OSBPL10: variants seen among roughly 807,000 people sequenced by gnomAD.
The protein encoded by OSBPL10 is oxysterol binding protein like 10.
In OSBPL10, 49 loss-of-function variants were observed where a neutral mutation model predicts 81.7. That is an observed-to-expected ratio of 0.60 (90% confidence interval 0.48 to 0.76). The LOEUF (loss-of-function observed/expected upper bound fraction) is 0.76. Among genes scored for constraint, OSBPL10 ranks in the 30% least tolerant of loss-of-function variants. OSBPL10 has a pLI of 0.00. For missense variants in OSBPL10, 923 were observed against 987.8 expected, an observed-to-expected ratio of 0.93 and a Z score of 0.88; for synonymous variants, 419 against 383.6, an observed-to-expected ratio of 1.09 and a Z score of -1.08.
At chr3:32,030,475 A>G in intron 2 of OSBPL10, 1 of 695,650 alleles carries the variant, frequency 1.4e-6, no homozygotes, top group Admixed American at 1.9e-5. Context: ...TGTGCGTATT[A>G]AGCGTATTAA....
chr3:31,751,161 C>G, intron 4 of OSBPL10, among the ~76,000 whole-genome samples: 1 of 151,692 alleles, frequency 6.6e-6, no homozygotes, highest in Non-Finnish European at 1.5e-5. Flanking sequence ...ACAACAAAAA[C>G]AAACAAACAA....
intron 1 of OSBPL10, among the ~76,000 whole-genome samples, chr3:31,901,214 G>A (rs1055148954): frequency 1.3e-5 from 2 of 152,018 alleles, no homozygotes; most frequent in East Asian, 1.9e-4. Context: ...CCCTCTACTC[G>A]ACATAAAGGT....
chr3:31,825,308 G>A (rs1700073396), intron 4 of OSBPL10, among the ~76,000 whole-genome samples: 1 of 152,122 alleles, frequency 6.6e-6, no homozygotes, highest in South Asian at 2.1e-4. Context: ...AATCCACAAG[G>A]AAGTATCTTC....
intron 2 of OSBPL10, among the ~76,000 whole-genome samples, chr3:32,029,211 T>C (rs917768495): frequency 6.6e-6 from 1 of 152,064 alleles, no homozygotes; most frequent in Non-Finnish European, 1.5e-5. Context: ...AAACCCCAGG[T>C]CAAAAGGTCA....
chr3:31,965,635 T>C (rs1450194351), intron 1 of OSBPL10, among the ~76,000 whole-genome samples: 1 of 78,978 alleles, frequency 1.3e-5, no homozygotes, highest in Admixed American at 2.4e-4. Flanking sequence ...TTATATAATA[T>C]ATTATATAAA....
intron 1 of OSBPL10, among the ~76,000 whole-genome samples, chr3:31,888,502 C>A (rs972026607): frequency 3.9e-5 from 6 of 151,916 alleles, no homozygotes; most frequent in Non-Finnish European, 8.8e-5. Flanking sequence ...AGCTTCTGTG[C>A]AACAAAGGAA....
rs189029909 is a variant in OSBPL10, at chr3:32,064,684, C to T, written n.185+12712G>A. On this transcript the variant is annotated intron_variant and non_coding_transcript_variant, in intron 1 of 3. Coordinates refer to the OSBPL10 transcript ENST00000479173. ...CTCGTGATTGGCTTGTGTTGAATTACAGGTTGCATGGCATTTTATGGCTAC... is the reference window on the plus strand; with the variant it reads ...CTCGTGATTGGCTTGTGTTGAATTATAGGTTGCATGGCATTTTATGGCTAC... Among the ~76,000 whole-genome samples the T allele has an allele frequency of 5.3e-5, 5 of 93,888 alleles. 2 individuals are homozygous for T. Among genetic ancestry groups the T allele is most frequent in the African/African-American group, 1.4e-4 (5 of 36,506 alleles). The allele number at this position is 93,888 out of a possible 152,430, so 61.6% of individuals were successfully genotyped here. A position where few individuals can be genotyped will look rare whatever the true frequency, so the allele number is the denominator to read the frequency against.
At chr3:31,910,191 G>A in intron 1 of OSBPL10, among the ~76,000 whole-genome samples, 1 of 151,706 alleles carries the variant, frequency 6.6e-6, no homozygotes, top group Non-Finnish European at 1.5e-5. Context: ...ATGTTGGCCA[G>A]GATGGTCTCG....
intron 1 of OSBPL10, among the ~76,000 whole-genome samples, chr3:31,956,675 C>G (rs1575059532): frequency 6.6e-6 from 1 of 152,070 alleles, no homozygotes; most frequent in Non-Finnish European, 1.5e-5. Flanking sequence ...TTGCACTGAG[C>G]CGAGATTGCG....
At chr3:31,912,914 CATTATT>C (rs1338574488) in intron 1 of OSBPL10, among the ~76,000 whole-genome samples, 1 of 152,094 alleles carries the variant, frequency 6.6e-6, no homozygotes, top group Non-Finnish European at 1.5e-5. Flanking sequence ...GCAAGGGTGG[CATTATT>C]ATATGAATAA....
At chr3:31,947,645 A>G (rs1697740935) in intron 1 of OSBPL10, among the ~76,000 whole-genome samples, 2 of 152,160 alleles carry the variant, frequency 1.3e-5, no homozygotes, top group African/African-American at 2.4e-5. Flanking sequence ...TGACCAACAC[A>G]TGAAACAAGC....
chr3:32,025,667 AC>A (rs1294973782), intron 2 of OSBPL10, among the ~76,000 whole-genome samples: 1 of 152,098 alleles, frequency 6.6e-6, no homozygotes, highest in Non-Finnish European at 1.5e-5. Flanking sequence ...CAATTTCTTT[AC>A]TTGTAGGTCT....
chr3:31,834,025 G>A (rs1177713555), intron 3 of OSBPL10, among the ~76,000 whole-genome samples: 1 of 152,046 alleles, frequency 6.6e-6, no homozygotes, highest in Non-Finnish European at 1.5e-5. Context: ...CCTTCTTTCA[G>A]GATAAACATG....
chr3:31,726,353 T>C (rs984299765), intron 6 of OSBPL10, among the ~76,000 whole-genome samples: 42 of 152,084 alleles, frequency 2.8e-4, no homozygotes, highest in African/African-American at 9.9e-4. Flanking sequence ...AGTCTCGCTC[T>C]GTTGACAGGC....
Position 31,738,191 on chromosome 3 carries a change from G to A in OSBPL10, c.941-4780C>T, listed in dbSNP as rs547731291. On this transcript the variant is annotated intron_variant, in intron 5 of 11. Transcript: ENST00000396556. The stretch of plus-strand genomic sequence containing the variant: ...CCACCACACTCCAGCAAAATCAATG[G>A]GAAAAAAATGCACATCTAGATGCAG... 2.0e-5 allele frequency among the ~76,000 whole-genome samples: 3 copies of A among 151,982 alleles called. No homozygotes were observed. The East Asian group carries it at 5.8e-4, about 29-fold the overall frequency.
intron 1 of OSBPL10, among the ~76,000 whole-genome samples, chr3:32,071,597 T>C (rs1699829037): frequency 6.6e-6 from 1 of 152,216 alleles, no homozygotes; most frequent in African/African-American, 2.4e-5. Flanking sequence ...CATGTCTCCA[T>C]GCGGCGGCTG....
chr3:31,775,358 G>T (rs908783334), intron 4 of OSBPL10, among the ~76,000 whole-genome samples: 1 of 152,080 alleles, frequency 6.6e-6, no homozygotes, highest in Non-Finnish European at 1.5e-5. Context: ...TGCAGAGAAG[G>T]GTTTCCAGGG....
intron 2 of OSBPL10, among the ~76,000 whole-genome samples, chr3:31,878,478 T>G (rs1417835597): frequency 6.6e-6 from 1 of 152,198 alleles, no homozygotes; most frequent in Non-Finnish European, 1.5e-5. Context: ...TATAGACATT[T>G]TTACTTCCGA....
intron 2 of OSBPL10, among the ~76,000 whole-genome samples, chr3:32,019,538 C>T (rs528664654): frequency 3.3e-5 from 5 of 152,190 alleles, no homozygotes; most frequent in Admixed American, 1.3e-4. Flanking sequence ...GAAGAAAGAT[C>T]GGTGCCAATG....
Sources: allele counts gnomAD v4.1 joint callset (sites outside exome capture counted in the v4.1 genomes callset), GRCh38; gene constraint gnomAD v4.1.1; transcripts MANE v1.5; gene names NCBI Gene and HGNC (gene_info 2026-07-23, HGNC 2026-07-21).